MAPKAPK2: variants seen among roughly 807,000 people sequenced by gnomAD.
MAPKAPK2 encodes the protein MAP kinase-activated protein kinase 2.
Under a neutral mutation model 48.8 loss-of-function variants are expected in MAPKAPK2, and 9 were observed. The ratio of observed to expected loss-of-function variants is 0.18; its 90% CI spans 0.11 to 0.32. The LOEUF (loss-of-function observed/expected upper bound fraction) is 0.32, where lower values mean the gene tolerates loss of function less well. MAPKAPK2 is among the 10% of genes least tolerant of loss of function. MAPKAPK2 has a pLI of 1.00. For missense variants in MAPKAPK2, 331 were observed against 498.3 expected, an observed-to-expected ratio of 0.66 and a Z score of 3.20; for synonymous variants, 202 against 190.6, an observed-to-expected ratio of 1.06 and a Z score of -0.49.
intron 1 of MAPKAPK2, among the ~76,000 whole-genome samples, chr1:206,691,037 A>AAAC (rs1553426174): frequency 6.0e-5 from 9 of 151,210 alleles, no homozygotes; most frequent in Admixed American, 5.3e-4. Context: ...TTTCTTGGTA[A>AAAC]TGGTTTGAGG....
intron 1 of MAPKAPK2, among the ~76,000 whole-genome samples, chr1:206,712,962 T>TTACACACACA (rs71570026): frequency 8.9e-6 from 1 of 112,230 alleles, no homozygotes; most frequent in African/African-American, 3.6e-5. Flanking sequence ...TGAGACTCCA[T>TTACACACACA]CACACACACA....
intron 1 of MAPKAPK2, among the ~76,000 whole-genome samples, chr1:206,701,829 T>G (rs1237618058): frequency 4.6e-5 from 3 of 65,488 alleles, no homozygotes; most frequent in African/African-American, 1.5e-4. Context: ...AGACCCTGTC[T>G]CTAAAAAAAA....
chr1:206,722,787 T>C (rs1019248404), intron 1 of MAPKAPK2, among the ~76,000 whole-genome samples: 9 of 152,328 alleles, frequency 5.9e-5, no homozygotes, highest in Middle Eastern at 6.8e-3. Flanking sequence ...TTGCTGAGGC[T>C]CACCTGCAGC....
At chr1:206,706,390 G>A (rs1409640113) in intron 1 of MAPKAPK2, among the ~76,000 whole-genome samples, 1 of 152,058 alleles carries the variant, frequency 6.6e-6, no homozygotes, top group African/African-American at 2.4e-5. Context: ...GGCAGATGCT[G>A]CTCTGCAGTT....
intron 1 of MAPKAPK2, among the ~76,000 whole-genome samples, chr1:206,714,626 G>A (rs1449646523): frequency 6.6e-6 from 1 of 151,594 alleles, no homozygotes; most frequent in Non-Finnish European, 1.5e-5. Context: ...TTAGTTGGGT[G>A]TGGTGGTGGG....
In MAPKAPK2 at chr1:206,731,465, G is replaced by A. The variant is rs1423427171; in HGVS notation, c.893-175G>A. The A allele has an allele frequency of 1.8e-6, 2 of 1,129,066 alleles. No homozygotes were observed. The highest frequency in any genetic ancestry group is 1.3e-6 in the Non-Finnish European group (1 of 781,828). 69.9% of individuals were successfully genotyped at this position (1,129,066 alleles called of 1,614,324 possible). A position where few individuals can be genotyped will look rare whatever the true frequency, so the allele number is the denominator to read the frequency against. On this transcript the variant is annotated intron_variant, in intron 7 of 9. Transcript: ENST00000367103. The surrounding 1 kb of genome is among the most constrained non-coding windows in gnomAD (Gnocchi z 5.9). The stretch of plus-strand genomic sequence containing the variant: ...CTGGAGGCAGGGCCAAGGCTGTGGG[G>A]CTGTGCAGGGCCTCTCAAGTGGTAC...
At chr1:206,712,995 C>CACACACACACACAT (rs1673207367) in intron 1 of MAPKAPK2, among the ~76,000 whole-genome samples, 1 of 151,550 alleles carries the variant, frequency 6.6e-6, no homozygotes, top group South Asian at 2.1e-4. Flanking sequence ...CACACACACA[C>CACACACACACACAT]ACACACACAC....
rs185958816 is a variant in MAPKAPK2 at position 206,704,818 on chromosome 1, G to A, written c.279+19310G>A. On this transcript the variant is annotated intron_variant, in intron 1 of 9. Transcript: ENST00000367103. The surrounding 1 kb of genome is among the most constrained non-coding windows in gnomAD (Gnocchi z 4.3). The stretch of plus-strand genomic sequence containing the variant: ...TATTGAGGGAGAAACATGTAAGCAA[G>A]GTATTTCTTGTGTACTCCAAGTGGT... Among the ~76,000 whole-genome samples the A allele has an allele frequency of 3.3e-5, 5 of 152,280 alleles. No individual in the cohort carries two copies.
intron 1 of MAPKAPK2, among the ~76,000 whole-genome samples, chr1:206,698,099 G>C (rs1191122604): frequency 6.6e-6 from 1 of 152,276 alleles, no homozygotes; most frequent in Non-Finnish European, 1.5e-5. Flanking sequence ...TCTGTCCTCA[G>C]TTTCTGCAGG....
intron 1 of MAPKAPK2, among the ~76,000 whole-genome samples, chr1:206,705,435 G>T (rs1027550408): frequency 3.9e-5 from 6 of 152,208 alleles, no homozygotes; most frequent in Non-Finnish European, 5.9e-5. Context: ...CTGCTGGAGG[G>T]CCAGGCTGCC....
intron 1 of MAPKAPK2, 123 bp from the exon 2 acceptor site, chr1:206,728,587 G>C (rs1673784691): frequency 3.7e-6 from 4 of 1,093,974 alleles, no homozygotes; most frequent in South Asian, 3.2e-5. Context: ...GGGGCTGGTG[G>C]GGGGGGCCAG....
chr1:206,713,642 A>G (rs1572500064), intron 1 of MAPKAPK2, among the ~76,000 whole-genome samples: 1 of 152,284 alleles, frequency 6.6e-6, no homozygotes, highest in South Asian at 2.1e-4. Flanking sequence ...CGAGGTGGAC[A>G]GATCACTTGA....
chr1:206,710,970 G>T (rs551933965), intron 1 of MAPKAPK2, among the ~76,000 whole-genome samples: 1 of 152,098 alleles, frequency 6.6e-6, no homozygotes, highest in African/African-American at 2.4e-5. Flanking sequence ...TTTATAATTT[G>T]ACAGCAAGAG....
intron 5 of MAPKAPK2, 73 bp downstream of exon 5, chr1:206,730,171 G>A: frequency 6.3e-7 from 1 of 1,579,496 alleles, no homozygotes; most frequent in Non-Finnish European, 8.7e-7. Context: ...TGGCTATCTG[G>A]GGGGCCGCAA....
intron 1 of MAPKAPK2, among the ~76,000 whole-genome samples, chr1:206,717,103 A>G (rs552323501): frequency 7.2e-5 from 11 of 152,204 alleles, no homozygotes; most frequent in South Asian, 4.1e-4. Context: ...GTAAACTAAT[A>G]TTACCAGCTC....
chr1:206,721,364 A>G (rs1673515005), intron 1 of MAPKAPK2, among the ~76,000 whole-genome samples: 1 of 152,250 alleles, frequency 6.6e-6, no homozygotes, highest in Non-Finnish European at 1.5e-5. Context: ...GTATTTCTTA[A>G]TAGCAATGCA....
At position 206,732,253 on chromosome 1, in the gene MAPKAPK2, G is replaced by A. The variant is rs1201526536; in HGVS notation, c.1060-322G>A. On this transcript the variant is annotated intron_variant, in intron 9 of 9. Transcript: ENST00000367103. The surrounding 1 kb of genome is among the most constrained non-coding windows in gnomAD (Gnocchi z 4.4). The stretch of plus-strand genomic sequence containing the variant: ...CGGAGGGCAGTCTGCTCAAGGTCAC[G>A]CAGCTGGTGACTGGTTGGGGCAGAC... The A allele has an allele frequency of 5.4e-6, 8 of 1,480,478 alleles. No individual in the cohort carries two copies. The highest frequency in any genetic ancestry group is 2.2e-5 in the Admixed American group (1 of 44,900). The allele number at this position is 1,480,478 out of a possible 1,614,324, so 91.7% of individuals were successfully genotyped here. A position where few individuals can be genotyped will look rare whatever the true frequency, so the allele number is the denominator to read the frequency against.
chr1:206,707,517 C>G (rs143629253), intron 1 of MAPKAPK2, among the ~76,000 whole-genome samples: 1 of 152,216 alleles, frequency 6.6e-6, no homozygotes, highest in Non-Finnish European at 1.5e-5. Flanking sequence ...TCTCTGGATC[C>G]CAGCACTTTT....
intron 1 of MAPKAPK2, among the ~76,000 whole-genome samples, chr1:206,723,355 C>T (rs1673601922): frequency 6.6e-6 from 1 of 152,104 alleles, no homozygotes; most frequent in Non-Finnish European, 1.5e-5. Context: ...TTATTACGTG[C>T]CAAGCGTTAT....
Sources: gnomAD v4.1 joint callset for allele counts (sites outside exome capture counted in the v4.1 genomes callset) on GRCh38, gnomAD v4.1.1 for gene constraint, Gnocchi (gnomAD v3.1) non-coding constraint, MANE v1.5 for transcripts, NCBI Gene and HGNC (gene_info 2026-07-23, HGNC 2026-07-21) for gene names.